PRTG: variants seen among roughly 807,000 people sequenced by gnomAD.
PRTG encodes the protein protogenin.
In PRTG, 67 loss-of-function variants were observed where a neutral mutation model predicts 122.5. The ratio of observed to expected loss-of-function variants is 0.55; its 90% CI spans 0.45 to 0.67. The LOEUF (loss-of-function observed/expected upper bound fraction) is 0.67. Ranked by LOEUF, PRTG falls within the 30% of genes least tolerant of loss-of-function variation. The pLI, the probability that PRTG is intolerant of heterozygous loss-of-function variation, is 0.00. For synonymous variants in PRTG, 554 were observed against 501.1 expected, an observed-to-expected ratio of 1.11 and a Z score of -1.41; for missense variants, 1,435 against 1,415.4, an observed-to-expected ratio of 1.01 and a Z score of -0.22.
In PRTG at chr15:55,637,152, G is replaced by A; in HGVS notation, c.2623+18C>T. 3 of 1,470,524 alleles carry A rather than the reference G, an allele frequency of 2.0e-6. No individual in the cohort carries two copies. The highest frequency in any genetic ancestry group is 2.2e-5 in the Admixed American group (1 of 44,518). The allele number at this position is 1,470,524 out of a possible 1,614,324, so 91.1% of individuals were successfully genotyped here. On this transcript the variant is annotated intron_variant, in intron 15 of 19. Coordinates refer to ENST00000389286, the MANE Select transcript of PRTG (RefSeq NM_173814.6). ...ATAATCGTACTTTTCACCCTTCATG[G>A]CAATTTATGATATTTACCTTCACGG...
intron 2 of PRTG, among the ~76,000 whole-genome samples, chr15:55,736,267 G>A (rs2031409436): frequency 6.6e-6 from 1 of 152,022 alleles, no homozygotes; most frequent in Non-Finnish European, 1.5e-5. Context: ...ATAAAACAGT[G>A]ACCGTGTAGC....
chr15:55,656,030 T>A (rs1419073702), intron 11 of PRTG: 1 of 166,898 alleles, frequency 6.0e-6, no homozygotes, highest in Non-Finnish European at 1.3e-5. Flanking sequence ...ACACTTCACA[T>A]CACACCTAAA....
intron 2 of PRTG, among the ~76,000 whole-genome samples, chr15:55,691,908 G>A (rs536318424): frequency 2.6e-5 from 4 of 151,216 alleles, no homozygotes; most frequent in African/African-American, 4.9e-5. Context: ...GTGGTGGTGC[G>A]AGCCTGCAGT....
intron 18 of PRTG, among the ~76,000 whole-genome samples, chr15:55,621,058 A>G (rs2059163453): frequency 6.6e-6 from 1 of 152,166 alleles, no homozygotes; most frequent in Non-Finnish European, 1.5e-5. Flanking sequence ...TTTCTTCTTT[A>G]AAACAGGCAG....
rs1277851484 is a variant in PRTG, at chr15:55,624,511, A to C, written c.2928-4T>G. 2 of 1,607,338 alleles carry C rather than the reference A, an allele frequency of 1.2e-6. No individual in the cohort carries two copies. The highest frequency in any genetic ancestry group is 1.7e-6 in the Non-Finnish European group (2 of 1,176,944). ...CGTCTTGGAAGCAGATGATTTCCTA[A>C]AACATTGGCAAGAAGAGGAAGTCTT... On this transcript the variant is annotated splice_polypyrimidine_tract_variant and splice_region_variant and intron_variant, in intron 17 of 19. Transcript: ENST00000389286.
intron 2 of PRTG, among the ~76,000 whole-genome samples, chr15:55,726,950 C>CA (rs55954392): frequency 6.1e-4 from 82 of 133,506 alleles, no homozygotes; most frequent in African/African-American, 1.5e-3. Flanking sequence ...GAGTCCGTCT[C>CA]AAAAAAAAAA....
At chr15:55,725,969 G>A (rs1370008766) in intron 2 of PRTG, among the ~76,000 whole-genome samples, 1 of 151,834 alleles carries the variant, frequency 6.6e-6, no homozygotes, top group Non-Finnish European at 1.5e-5. Context: ...TTTTGAGACA[G>A]AGTCTCACTC....
At chr15:55,711,192 G>C (rs1567110553) in intron 2 of PRTG, among the ~76,000 whole-genome samples, 1 of 151,214 alleles carries the variant, frequency 6.6e-6, no homozygotes, top group Non-Finnish European at 1.5e-5. Flanking sequence ...AAACTGTTGA[G>C]ATTACAGGCG....
chr15:55,686,136 G>T (rs919447307), intron 2 of PRTG, among the ~76,000 whole-genome samples: 1 of 152,058 alleles, frequency 6.6e-6, no homozygotes, highest in African/African-American at 2.4e-5. Context: ...AGGTAAGTTT[G>T]TCTTTTTATA....
chr15:55,694,894 C>A lies in PRTG; in HGVS notation c.398-10963G>T, dbSNP rs371346190. Among the ~76,000 whole-genome samples, 44 of 152,290 alleles carry A rather than the reference C, an allele frequency of 2.9e-4. No individual in the cohort carries two copies. The South Asian group carries it at 8.9e-3, about 31-fold the overall frequency. ...CCTCCTTGTGAAACCTGACCTCTCTCTTCCCTCCACAGTCAGTGTTAACGT... is the reference window on the plus strand; with the variant it reads ...CCTCCTTGTGAAACCTGACCTCTCTATTCCCTCCACAGTCAGTGTTAACGT... On this transcript the variant is annotated intron_variant, in intron 2 of 19. Coordinates refer to ENST00000389286, the MANE Select transcript of PRTG (RefSeq NM_173814.6).
At chr15:55,735,368 A>G (rs1487287176) in intron 2 of PRTG, among the ~76,000 whole-genome samples, 1 of 152,196 alleles carries the variant, frequency 6.6e-6, no homozygotes, top group African/African-American at 2.4e-5. Flanking sequence ...CGTGGTTTTC[A>G]AAAAGGTAAC....
chr15:55,721,517 C>A (rs577498092), intron 2 of PRTG, among the ~76,000 whole-genome samples: 1 of 152,172 alleles, frequency 6.6e-6, no homozygotes, highest in South Asian at 2.1e-4. Flanking sequence ...CTATTCCATA[C>A]GTACCGTGTT....
Position 55,742,862 on chromosome 15 carries a change from G to C in PRTG, c.70C>G (p.Leu24Val). The C allele has an allele frequency of 6.5e-7, 1 of 1,537,680 alleles. No individual in the cohort carries two copies. The highest frequency in any genetic ancestry group is 8.8e-7 in the Non-Finnish European group (1 of 1,140,936). ...CCTGGCAAAGGACTGAGCAGCAGCA[G>C]GAGCAGGAGCGCGCGGAGCAGCATC... Reference protein sequence around the residue: ...PGMLLRALLLLLLLSPLPGVW... With the variant: ...PGMLLRALLLVLLLSPLPGVW... The change falls in exon 1 of 20, where the codon CTG becomes GTG. Residue 24 changes from leucine to valine, a missense_variant. Transcript: ENST00000389286.
intron 2 of PRTG, among the ~76,000 whole-genome samples, chr15:55,703,868 C>T (rs1259746154): frequency 6.6e-6 from 1 of 152,220 alleles, no homozygotes; most frequent in African/African-American, 2.4e-5. Flanking sequence ...ACATCCCCAA[C>T]TGGGACTTTC....
Position 55,637,343 on chromosome 15 carries a change from G to A in PRTG, c.2453-3C>T. Reference sequence around the variant, plus strand: ...TCCAACTGGTGGGCCTGCTGGTGCTGTGCAGACACAACAAAACATTGTATT... The same window carrying A: ...TCCAACTGGTGGGCCTGCTGGTGCTATGCAGACACAACAAAACATTGTATT... On this transcript the variant is annotated splice_region_variant and splice_polypyrimidine_tract_variant and intron_variant, in intron 14 of 19. Coordinates refer to ENST00000389286, the MANE Select transcript of PRTG (RefSeq NM_173814.6). 6.2e-7 allele frequency: 1 copy of A among 1,606,078 alleles called. No individual in the cohort carries two copies. The highest frequency in any genetic ancestry group is 1.1e-5 in the South Asian group (1 of 89,536).
chr15:55,743,115 A>C lies in PRTG; in HGVS notation c.-184T>G, dbSNP rs1284129019. 31 of 1,277,074 alleles carry C rather than the reference A, an allele frequency of 2.4e-5. No homozygotes were observed. Among genetic ancestry groups the C allele is most frequent in the Non-Finnish European group, 3.0e-5 (30 of 1,016,512 alleles). 79.1% of individuals were successfully genotyped at this position (1,277,074 alleles called of 1,614,324 possible). ...GCTGGTGCTCGGACGGCCGCTCGCG[A>C]GAAGCAAGGGGCCTGAGAGTCCGGC... On this transcript the variant is annotated 5_prime_UTR_variant, in exon 1 of 20. Transcript: ENST00000389286.
At chr15:55,656,864 C>T (rs1443420197) in intron 11 of PRTG, among the ~76,000 whole-genome samples, 1 of 152,200 alleles carries the variant, frequency 6.6e-6, no homozygotes. Flanking sequence ...TTATATCCAT[C>T]TATCTATATA....
chr15:55,660,927 C>CAAATTATGCGCA (rs1249476465), intron 11 of PRTG, among the ~76,000 whole-genome samples: 10 of 152,060 alleles, frequency 6.6e-5, no homozygotes, highest in African/African-American at 2.4e-4. Flanking sequence ...CTTCAAAGGT[C>CAAATTATGCGCA]TCAATTTGAT....
chr15:55,734,358 T>C (rs866532224), intron 2 of PRTG, among the ~76,000 whole-genome samples: 18 of 152,138 alleles, frequency 1.2e-4, no homozygotes, highest in African/African-American at 4.3e-4. Flanking sequence ...TAAAGTAGTC[T>C]GCATAAAACA....
Sources: allele counts gnomAD v4.1 joint callset (sites outside exome capture counted in the v4.1 genomes callset), GRCh38; gene constraint gnomAD v4.1.1; transcripts MANE v1.5; gene names NCBI Gene and HGNC (gene_info 2026-07-23, HGNC 2026-07-21).